The following CADM3 variants were observed in gnomAD, a reference collection of about 807,000 sequenced individuals.
The protein encoded by CADM3 is TSLC1-like 1.
Under a neutral mutation model 44.9 loss-of-function variants are expected in CADM3, and 11 were observed. That is an observed-to-expected ratio of 0.25 (90% CI 0.15 to 0.41). The LOEUF (loss-of-function observed/expected upper bound fraction) is 0.41. Ranked by LOEUF, CADM3 falls within the 10% of genes least tolerant of loss-of-function variation. The pLI, the probability that CADM3 is intolerant of heterozygous loss-of-function variation, is 1.00. For missense variants in CADM3, 426 were observed against 512.0 expected, an observed-to-expected ratio of 0.83 and a Z score of 1.62; for synonymous variants, 207 against 205.2, an observed-to-expected ratio of 1.01 and a Z score of -0.08.
intron 1 of CADM3, among the ~76,000 whole-genome samples, chr1:159,190,333 A>G (rs1436355022): frequency 1.6e-4 from 25 of 152,102 alleles, no homozygotes; most frequent in Admixed American, 1.6e-3. Context: ...ACTAATCTCA[A>G]AATCATAGTT....
intron 1 of CADM3, among the ~76,000 whole-genome samples, chr1:159,184,477 G>A (rs1477910938): frequency 6.6e-6 from 1 of 152,126 alleles, no homozygotes; most frequent in Non-Finnish European, 1.5e-5. Context: ...CCTACTCAGG[G>A]AGCTTTTTTT....
Position 159,192,695 on chromosome 1 carries a change from C to A in CADM3, c.347C>A (p.Pro116His). The change falls in exon 3 of 9, where the codon CCT (proline) becomes CAT (histidine). Residue 116 changes from proline (P) to histidine (H), a missense_variant. Transcript: ENST00000368125. ...TACACCTGCTCAATCTTCACTATGC[C>A]TGTGCGAACTGCCAAGTCCCTCGTC... ...GEYTCSIFTM[P>H]VRTAKSLVTV... The A allele has an allele frequency of 6.2e-7, 1 of 1,614,036 alleles. No individual in the cohort carries two copies. The highest frequency in any genetic ancestry group is 8.5e-7 in the Non-Finnish European group (1 of 1,180,022).
chr1:159,189,821 G>T, intron 1 of CADM3: 1 of 1,607,562 alleles, frequency 6.2e-7, no homozygotes, highest in Non-Finnish European at 8.5e-7. Flanking sequence ...TCCACTCGAC[G>T]AGGCCATCAG....
chr1:159,201,913 C>T lies in CADM3; in HGVS notation c.*991C>T, dbSNP rs1650232285. The stretch of plus-strand genomic sequence containing the variant: ...CAACTACTTCTCCCTTCCCGGCCAC[C>T]CTGTGCCCCCTTCCTGGTCCCAACG... On this transcript the variant is annotated 3_prime_UTR_variant, in exon 9 of 9. Coordinates refer to ENST00000368125, the MANE Select transcript of CADM3 (RefSeq NM_001127173.3). 6.5e-6 allele frequency: 1 copy of T among 153,234 alleles called. No homozygotes were observed. The highest frequency in any genetic ancestry group is 1.5e-5 in the Non-Finnish European group (1 of 68,302). 9.5% of individuals were successfully genotyped at this position (153,234 alleles called of 1,614,324 possible).
chr1:159,183,774 A>G (rs967928751), intron 1 of CADM3, among the ~76,000 whole-genome samples: 4 of 152,188 alleles, frequency 2.6e-5, no homozygotes, highest in African/African-American at 9.7e-5. Context: ...TATCGTGGCC[A>G]TTAGGGAATT....
intron 7 of CADM3, chr1:159,198,256 C>CA (rs890859397): frequency 9.4e-4 from 143 of 152,320 alleles, no homozygotes; most frequent in African/African-American, 3.3e-3. Context: ...TACCTAGAGA[C>CA]AGGGGCCTGT....
In CADM3 at chr1:159,191,029, G is replaced by A. The variant is rs543804419; in HGVS notation, c.89-907G>A. Among the ~76,000 whole-genome samples, 3 of 152,260 alleles carry A rather than the reference G, an allele frequency of 2.0e-5. No individual in the cohort carries two copies. In the East Asian group the frequency reaches 5.8e-4, roughly 29 times the overall value. On this transcript the variant is annotated intron_variant, in intron 1 of 8. Coordinates refer to ENST00000368125, the MANE Select transcript of CADM3 (RefSeq NM_001127173.3). ...CAGGAAATCAGAATCCATGCTGTGG[G>A]GAACAAGGAACAACAGGAATAGTGT...
chr1:159,187,727 A>C (rs1322951361), intron 1 of CADM3, among the ~76,000 whole-genome samples: 4 of 152,128 alleles, frequency 2.6e-5, no homozygotes, highest in African/African-American at 9.7e-5. Context: ...ACCTTGGCAC[A>C]ACCAATTTGG....
chr1:159,184,682 G>A (rs1240986946), intron 1 of CADM3, among the ~76,000 whole-genome samples: 2 of 152,172 alleles, frequency 1.3e-5, no homozygotes, highest in East Asian at 3.8e-4. Context: ...GCAATCCGGG[G>A]TTATACTGGC....
At chr1:159,193,788 G>A in intron 4 of CADM3, 82 bp from the exon 5 acceptor site, 2 of 1,552,416 alleles carry the variant, frequency 1.3e-6, no homozygotes, top group Middle Eastern at 1.7e-4. Context: ...CTACAATGAG[G>A]CCCACATGAT....
At chr1:159,189,931 C>A in intron 1 of CADM3, 1 of 1,172,820 alleles carries the variant, frequency 8.5e-7, no homozygotes, top group Non-Finnish European at 1.2e-6. Context: ...ATCCTCACAT[C>A]CTCTCCCACT....
In CADM3 at chr1:159,201,016, G is replaced by C. The variant is rs1014354354; in HGVS notation, c.*94G>C. 1 of 723,212 alleles carries C rather than the reference G, an allele frequency of 1.4e-6. No homozygotes were observed. Among genetic ancestry groups the C allele is most frequent in the East Asian group, 3.8e-5 (1 of 26,190 alleles). 44.8% of individuals were successfully genotyped at this position (723,212 alleles called of 1,614,324 possible). On this transcript the variant is annotated 3_prime_UTR_variant, in exon 9 of 9. Transcript: ENST00000368125. ...ACTTGTACAGAGCAACCGCAGGGCC[G>C]CCCCTCCCGCTTGCTCCCCAGCCCA...
chr1:159,175,674 T>A (rs968553075), intron 1 of CADM3, among the ~76,000 whole-genome samples: 2 of 152,244 alleles, frequency 1.3e-5, no homozygotes, highest in Non-Finnish European at 2.9e-5. Context: ...CCTAGACTGA[T>A]AGAATGAGCC....
rs544738529 is a variant in CADM3, at chr1:159,172,577, G to A, written c.88+724G>A. Among the ~76,000 whole-genome samples, 5 of 152,280 alleles carry A rather than the reference G, an allele frequency of 3.3e-5. No individual in the cohort carries two copies. In the East Asian group the frequency reaches 9.7e-4, roughly 29 times the overall value. On this transcript the variant is annotated intron_variant, in intron 1 of 8. Transcript: ENST00000368125. ...GGAGCAGAGGCGGGGTGGGGGTAGG[G>A]GGGAGCGCAAAAGAAAGAATCAAGA... is the stretch of plus-strand genomic sequence containing the variant.
chr1:159,172,339 T>C (rs1303745769), intron 1 of CADM3, among the ~76,000 whole-genome samples: 2 of 152,124 alleles, frequency 1.3e-5, no homozygotes, highest in Non-Finnish European at 2.9e-5. Context: ...CCCAAACTGC[T>C]GTATGCAAAC....
At chr1:159,189,957 A>G (rs1185008253) in intron 1 of CADM3, 32 of 861,944 alleles carry the variant, frequency 3.7e-5, no homozygotes, top group Non-Finnish European at 5.2e-5. Flanking sequence ...TGCCTTCACC[A>G]CATGTTCTCA....
chr1:159,189,623 G>A (rs949920314), intron 1 of CADM3: 3 of 622,642 alleles, frequency 4.8e-6, no homozygotes, highest in African/African-American at 3.8e-5. Flanking sequence ...TCGCCCCTTG[G>A]TAAGAACCCT....
chr1:159,187,645 G>C (rs1157167539), intron 1 of CADM3, among the ~76,000 whole-genome samples: 1 of 152,144 alleles, frequency 6.6e-6, no homozygotes, highest in Non-Finnish European at 1.5e-5. Flanking sequence ...TACTCACTGT[G>C]CACTGGATAC....
At chr1:159,191,196 G>A (rs535944406) in intron 1 of CADM3, among the ~76,000 whole-genome samples, 20 of 152,308 alleles carry the variant, frequency 1.3e-4, no homozygotes, top group African/African-American at 4.8e-4. Flanking sequence ...GGATTAGAAA[G>A]CATGTTTTCA....
Sources: allele counts gnomAD v4.1 joint callset (sites outside exome capture counted in the v4.1 genomes callset), GRCh38; gene constraint gnomAD v4.1.1; transcripts MANE v1.5; gene names NCBI Gene and HGNC (gene_info 2026-07-23, HGNC 2026-07-21).